Variants in CMIP observed in about 807,000 individuals in gnomAD.
CMIP encodes c-Maf inducing protein.
Under a neutral mutation model 97.3 loss-of-function variants are expected in CMIP, and 13 were observed. That is an observed-to-expected ratio of 0.13 (90% confidence interval 0.09 to 0.21). CMIP has a LOEUF of 0.21. Ranked by LOEUF, CMIP falls within the 10% of genes least tolerant of loss-of-function variation. The probability of loss-of-function intolerance (pLI) is 1.00; values close to 1 mark genes in which losing one functional copy is unlikely to be tolerated. For synonymous variants in CMIP, 538 were observed against 436.3 expected (o/e 1.23, Z -2.91); for missense variants, 847 against 1,024.9 (o/e 0.83, Z 2.37).
rs1391092949 is a variant in CMIP at position 81,706,522 on chromosome 16, A to C, written c.2198-492A>C. On this transcript the variant is annotated intron_variant, in intron 19 of 20. Coordinates refer to ENST00000537098, the MANE Select transcript of CMIP (RefSeq NM_198390.3). ...GGCGCGGTCCTCATCAACAGCACAG[A>C]TTCCTGGTCCCTGCTGCGGCCCTGC... Among the ~76,000 whole-genome samples, 4 of 152,310 alleles carry C rather than the reference A, an allele frequency of 2.6e-5. No individual in the cohort carries two copies. The East Asian group carries it at 7.7e-4, about 29-fold the overall frequency.
intron 1 of CMIP, among the ~76,000 whole-genome samples, chr16:81,549,488 C>G (rs1401913898): frequency 6.6e-6 from 1 of 152,172 alleles, no homozygotes; most frequent in Admixed American, 6.5e-5. Flanking sequence ...GCTGTACGTG[C>G]CCCAGGAAAC....
At chr16:81,703,295 A>G (rs1424681854) in intron 17 of CMIP, among the ~76,000 whole-genome samples, 1 of 152,098 alleles carries the variant, frequency 6.6e-6, no homozygotes, top group Non-Finnish European at 1.5e-5. Context: ...CCGGGCAGCC[A>G]CAGGGCCGCT....
Position 81,696,706 on chromosome 16 carries a change from C to A in CMIP, c.1638+39C>A, listed in dbSNP as rs746286727. 2.5e-6 allele frequency: 4 copies of A among 1,578,564 alleles called. No individual in the cohort carries two copies. In the Admixed American group the frequency reaches 6.8e-5, roughly 27 times the overall value. On this transcript the variant is annotated intron_variant, in intron 14 of 20. Coordinates refer to ENST00000537098, the MANE Select transcript of CMIP (RefSeq NM_198390.3). ...CCCCAGTGGGGTGACTTCCAGGGGTCCCTGGGCTTGCCATGCCTGACTAGT... is the reference window on the plus strand; with the variant it reads ...CCCCAGTGGGGTGACTTCCAGGGGTACCTGGGCTTGCCATGCCTGACTAGT...
In CMIP at chr16:81,515,078, A is replaced by T. The variant is rs181533245; in HGVS notation, c.300+69537A>T. Among the ~76,000 whole-genome samples, 77 of 152,360 alleles carry T rather than the reference A, an allele frequency of 5.1e-4. 1 individual carries two copies. The highest frequency in any genetic ancestry group is 1.8e-3 in the African/African-American group (74 of 41,594). On this transcript the variant is annotated intron_variant, in intron 1 of 20. Coordinates refer to ENST00000537098, the MANE Select transcript of CMIP (RefSeq NM_198390.3). ...TGAGGCCAGGAGGTGACCCATGGCC[A>T]CGTGGCCTGTCCTGGCAGGAGTGCC...
In CMIP at chr16:81,623,074, C is replaced by T. The variant is rs988620815; in HGVS notation, c.477+2148C>T. Among the ~76,000 whole-genome samples, 8 of 152,132 alleles carry T rather than the reference C, an allele frequency of 5.3e-5. No individual in the cohort carries two copies. In the East Asian group the frequency reaches 1.2e-3, roughly 22 times the overall value. On this transcript the variant is annotated intron_variant, in intron 3 of 20. Transcript: ENST00000537098. ...AAAAAATTAGCCGGGCGTAGTGGTG[C>T]GCCCATGTGGTCCCAGCTACTTGGG...
intron 1 of CMIP, among the ~76,000 whole-genome samples, chr16:81,559,701 G>C (rs2090838870): frequency 6.6e-6 from 1 of 152,212 alleles, no homozygotes; most frequent in Admixed American, 6.5e-5. Flanking sequence ...AGTATGCACA[G>C]TGCATAAGAC....
chr16:81,682,848 G>T (rs1436315429), intron 10 of CMIP, among the ~76,000 whole-genome samples: 1 of 152,194 alleles, frequency 6.6e-6, no homozygotes, highest in Admixed American at 6.5e-5. Flanking sequence ...ATTTCCTGGA[G>T]GTCCTTGAAA....
chr16:81,451,946 G>T (rs939557795), intron 1 of CMIP, among the ~76,000 whole-genome samples: 1 of 152,232 alleles, frequency 6.6e-6, no homozygotes, highest in Non-Finnish European at 1.5e-5. Flanking sequence ...GGGAGACTGT[G>T]CGCATTTTGA....
chr16:81,704,075 G>C lies in CMIP; in HGVS notation c.2081G>C (p.Trp694Ser). 1.2e-6 allele frequency: 2 copies of C among 1,603,792 alleles called. No homozygotes were observed. The highest frequency in any genetic ancestry group is 1.7e-6 in the Non-Finnish European group (2 of 1,176,142). Residue 694 changes from tryptophan (W) to serine (S), a missense_variant, in exon 18 of 21, where the codon TGG becomes TCG. By Grantham distance (177) the Trp-to-Ser change is radical. This residue lies in a region of CMIP where 266 missense variants were observed against 384.2 expected (regional missense o/e 0.69). Transcript: ENST00000537098. ...CCTTCGCTCAAGCAGCTGAACCTGTGGTCCACTCAGGTACGTCCTCCCGCC... is the reference window on the plus strand; with the variant it reads ...CCTTCGCTCAAGCAGCTGAACCTGTCGTCCACTCAGGTACGTCCTCCCGCC... ...KLPSLKQLNL[W>S]STQFGDAGLR...
intron 3 of CMIP, chr16:81,630,886 C>G (rs1255972178): frequency 6.6e-6 from 1 of 152,288 alleles, no homozygotes; most frequent in East Asian, 1.9e-4. Context: ...AGGAGGGGCC[C>G]TCAGTGGGAG....
intron 1 of CMIP, among the ~76,000 whole-genome samples, chr16:81,467,683 C>T (rs1224479097): frequency 9.3e-5 from 14 of 150,986 alleles, no homozygotes; most frequent in South Asian, 2.1e-4. Flanking sequence ...CAGGTTCAAG[C>T]GATTCTCTTG....
chr16:81,574,218 C>A (rs1597104773), intron 1 of CMIP, among the ~76,000 whole-genome samples: 1 of 152,208 alleles, frequency 6.6e-6, no homozygotes, highest in East Asian at 1.9e-4. Flanking sequence ...CCCAGGGAGC[C>A]CACCTGCCCT....
intron 1 of CMIP, among the ~76,000 whole-genome samples, chr16:81,580,725 T>C (rs1244932801): frequency 6.6e-6 from 1 of 151,492 alleles, no homozygotes; most frequent in Non-Finnish European, 1.5e-5. Flanking sequence ...CGTGAGCCAC[T>C]GCTCCTGGTT....
intron 14 of CMIP, chr16:81,697,496 C>G (rs1597265178): frequency 6.6e-6 from 1 of 152,278 alleles, no homozygotes; most frequent in African/African-American, 2.4e-5. Flanking sequence ...CACACTCAAA[C>G]TGGGCTTCCA....
At chr16:81,682,747 G>T (rs868364774) in intron 10 of CMIP, among the ~76,000 whole-genome samples, 2 of 152,356 alleles carry the variant, frequency 1.3e-5, no homozygotes, top group Middle Eastern at 3.4e-3. Context: ...GTAGTGGGGC[G>T]CAGGCCCTGA....
chr16:81,706,604 C>T (rs1464715154), intron 19 of CMIP, among the ~76,000 whole-genome samples: 2 of 152,122 alleles, frequency 1.3e-5, no homozygotes, highest in African/African-American at 2.4e-5. Context: ...CCAACACAAA[C>T]CAGAGGTTGA....
chr16:81,669,723 ACACT>A (rs1418175706), intron 7 of CMIP, among the ~76,000 whole-genome samples: 12 of 88,198 alleles, frequency 1.4e-4, no homozygotes, highest in African/African-American at 3.8e-4. Flanking sequence ...TACCCACCTC[ACACT>A]CACCTCCTTC....
intron 1 of CMIP, among the ~76,000 whole-genome samples, chr16:81,448,863 G>A (rs1906031363): frequency 6.6e-6 from 1 of 152,262 alleles, no homozygotes; most frequent in Non-Finnish European, 1.5e-5. Context: ...TGGCCTGAAT[G>A]TGGTGCCCCA....
At chr16:81,689,419 C>T (rs1341539800) in intron 10 of CMIP, among the ~76,000 whole-genome samples, 1 of 152,220 alleles carries the variant, frequency 6.6e-6, no homozygotes, top group Non-Finnish European at 1.5e-5. Context: ...TGATGATGAG[C>T]ATTTTTTCAT....
Sources: allele counts gnomAD v4.1 joint callset (sites outside exome capture counted in the v4.1 genomes callset), GRCh38; gene constraint gnomAD v4.1.1; regional missense constraint gnomAD v4.1.1; transcripts MANE v1.5; gene names NCBI Gene and HGNC (gene_info 2026-07-23, HGNC 2026-07-21).